Variants in IREB2 observed in about 807,000 individuals in gnomAD.
IREB2 encodes iron responsive element binding protein 2, also known as iron-responsive element-binding protein 2.
In IREB2, 39 loss-of-function variants were observed where a neutral mutation model predicts 118.8. That is an observed-to-expected ratio of 0.33 (90% CI 0.25 to 0.43). IREB2 has a LOEUF of 0.43. Among genes scored for constraint, IREB2 ranks in the 20% least tolerant of loss-of-function variants. The probability of loss-of-function intolerance (pLI) is 1.00; values close to 1 mark genes in which losing one functional copy is unlikely to be tolerated. For synonymous variants in IREB2, 372 were observed against 392.2 expected (o/e 0.95, Z 0.61); for missense variants, 900 against 1,147.3 (o/e 0.78, Z 3.11).
chr15:78,455,081 A>G (rs2051085075), intron 2 of IREB2, among the ~76,000 whole-genome samples: 2 of 152,176 alleles, frequency 1.3e-5, no homozygotes, highest in Admixed American at 1.3e-4. Context: ...AAAAAAGAAC[A>G]GGATTGGTGT....
At position 78,490,243 on chromosome 15, in the gene IREB2, A is replaced by T. The variant is rs28732369; in HGVS notation, c.2077-179A>T. Among the ~76,000 whole-genome samples, 693 of 152,270 alleles carry T rather than the reference A, an allele frequency of 4.6e-3. 5 individuals are homozygous for T. Among genetic ancestry groups the T allele is most frequent in the East Asian group, 0.02 (103 of 5,176 alleles). ...GCCTGGGCAAAAATAAAAATTTAAA[A>T]TTTTTTAAAAAAAAGAAAAGAATAC... On this transcript the variant is annotated intron_variant, in intron 16 of 21. Coordinates refer to ENST00000258886, the MANE Select transcript of IREB2 (RefSeq NM_004136.4).
intron 2 of IREB2, among the ~76,000 whole-genome samples, chr15:78,447,104 A>G (rs894669716): frequency 2.0e-5 from 3 of 151,994 alleles, no homozygotes; most frequent in African/African-American, 7.2e-5. Context: ...TTCAGTAGGC[A>G]TGCATAGAAC....
chr15:78,483,197 A>G (rs975517565), intron 10 of IREB2, 121 bp from the exon 11 acceptor site: 1 of 556,810 alleles, frequency 1.8e-6, no homozygotes, highest in African/African-American at 1.9e-5. Flanking sequence ...TACTATTAAA[A>G]TAAATTGCAT....
intron 18 of IREB2, among the ~76,000 whole-genome samples, chr15:78,492,018 T>G (rs920854267): frequency 6.6e-6 from 1 of 152,216 alleles, no homozygotes; most frequent in African/African-American, 2.4e-5. Flanking sequence ...CTTAGCACAT[T>G]TAATCCAGTA....
At chr15:78,450,824 TTGTGTGTGTGTGTGTGTGTGTGTGTG>T (rs35092289) in intron 2 of IREB2, among the ~76,000 whole-genome samples, 12 of 134,020 alleles carry the variant, frequency 9.0e-5, no homozygotes, top group African/African-American at 2.0e-4. Flanking sequence ...ATTAACAAAT[TTGTGTGTGTGTGTGTGTGTGTGTGTG>T]TGTGTGTGTG....
At chr15:78,460,547 C>G (rs975987034) in intron 2 of IREB2, among the ~76,000 whole-genome samples, 1 of 152,134 alleles carries the variant, frequency 6.6e-6, no homozygotes, top group Admixed American at 6.5e-5. Flanking sequence ...TCTTTGGTTT[C>G]GGACACAAGA....
intron 2 of IREB2, among the ~76,000 whole-genome samples, chr15:78,446,716 C>A (rs564345485): frequency 6.6e-6 from 1 of 152,146 alleles, no homozygotes; most frequent in African/African-American, 2.4e-5. Context: ...CTAATTGCCC[C>A]AGTGTCTCCT....
intron 11 of IREB2, among the ~76,000 whole-genome samples, chr15:78,484,432 A>G (rs531917660): frequency 6.6e-6 from 1 of 152,266 alleles, no homozygotes; most frequent in South Asian, 2.1e-4. Context: ...AACAGAAAAA[A>G]ATTTCTGCCA....
At chr15:78,463,264 C>T (rs1045883936) in intron 3 of IREB2, among the ~76,000 whole-genome samples, 177 bp downstream of exon 3, 2 of 152,140 alleles carry the variant, frequency 1.3e-5, no homozygotes, top group South Asian at 2.1e-4. Flanking sequence ...CATAGTGAGA[C>T]GCTGTCTGTA....
chr15:78,459,263 T>C (rs780083773), intron 2 of IREB2, among the ~76,000 whole-genome samples: 1 of 152,236 alleles, frequency 6.6e-6, no homozygotes, highest in Non-Finnish European at 1.5e-5. Context: ...AAAAGGACTT[T>C]TAAAAAATCA....
intron 1 of IREB2, 78 bp from the exon 2 acceptor site, chr15:78,439,717 A>G: frequency 2.5e-6 from 2 of 792,282 alleles, no homozygotes; most frequent in South Asian, 1.7e-5. Context: ...TCTATTGGAT[A>G]AAGCTAGTTT....
chr15:78,437,966 C>G (rs1433209467), upstream of IREB2, among the ~76,000 whole-genome samples: 5 of 152,250 alleles, frequency 3.3e-5, no homozygotes, highest in African/African-American at 9.6e-5. Flanking sequence ...CAATAGAAAA[C>G]TTAAGGCCGC....
chr15:78,465,513 G>C lies in IREB2; in HGVS notation c.410+125G>C, dbSNP rs899675910. 3.5e-6 allele frequency: 3 copies of C among 854,232 alleles called. No homozygotes were observed. In the East Asian group the frequency reaches 8.2e-5, roughly 23 times the overall value. 52.9% of individuals were successfully genotyped at this position (854,232 alleles called of 1,614,324 possible). On this transcript the variant is annotated intron_variant, in intron 4 of 21. Coordinates refer to ENST00000258886, the MANE Select transcript of IREB2 (RefSeq NM_004136.4). ...AGTATGCTAAATTTAGTATTGGCTA[G>C]TATATAAAAGCTAAAACTGGTGAAA...
intron 11 of IREB2, among the ~76,000 whole-genome samples, chr15:78,484,231 CCTTT>C (rs1458985319): frequency 6.6e-6 from 1 of 152,022 alleles, no homozygotes; most frequent in Admixed American, 6.6e-5. Flanking sequence ...CCTTTCAGAG[CCTTT>C]CTTTTTATGA....
At chr15:78,448,519 T>C (rs1325500019) in intron 2 of IREB2, among the ~76,000 whole-genome samples, 3 of 152,224 alleles carry the variant, frequency 2.0e-5, no homozygotes, top group African/African-American at 4.8e-5. Context: ...TAAGGTCTTG[T>C]TCTGTGGAGG....
rs1436451622 is a variant in IREB2, at chr15:78,466,991, T to A, written c.629+502T>A. Among the ~76,000 whole-genome samples, 3 of 109,566 alleles carry A rather than the reference T, an allele frequency of 2.7e-5. No homozygotes were observed. In the East Asian group the frequency reaches 8.1e-4, roughly 30 times the overall value. The allele number at this position is 109,566 out of a possible 152,430, so 71.9% of individuals were successfully genotyped here. Reference sequence around the variant, plus strand: ...TAGCACTTTGGGAGGCCAGAGCAGGTGGATCACTTGAGCTCAGGAGTTTGA... The same window carrying A: ...TAGCACTTTGGGAGGCCAGAGCAGGAGGATCACTTGAGCTCAGGAGTTTGA... On this transcript the variant is annotated intron_variant, in intron 5 of 21. Transcript: ENST00000258886.
intron 2 of IREB2, among the ~76,000 whole-genome samples, chr15:78,446,469 C>G (rs2050930848): frequency 6.6e-6 from 1 of 152,142 alleles, no homozygotes; most frequent in East Asian, 1.9e-4. Flanking sequence ...GTGGCTGTCT[C>G]TCAAGAAAAT....
intron 2 of IREB2, among the ~76,000 whole-genome samples, chr15:78,445,932 A>T (rs530911480): frequency 1.3e-3 from 202 of 152,222 alleles, no homozygotes; most frequent in African/African-American, 4.8e-3. Context: ...CTACAAGCAC[A>T]TGCCATCATG....
chr15:78,452,623 G>A lies in IREB2; in HGVS notation c.107-10299G>A, dbSNP rs74248578. Among the ~76,000 whole-genome samples the A allele has an allele frequency of 6.5e-3, 984 of 152,192 alleles. 70 individuals carry two copies. In the East Asian group the frequency reaches 0.17, roughly 27 times the overall value. On this transcript the variant is annotated intron_variant, in intron 2 of 21. Transcript: ENST00000258886. ...CCTAGAAGTGTTAAGAACTATAAAG[G>A]AGGCTTGGCATGGTGACCCACACCT...
Sources: gnomAD v4.1 joint callset for allele counts (sites outside exome capture counted in the v4.1 genomes callset) on GRCh38, gnomAD v4.1.1 for gene constraint, MANE v1.5 for transcripts, NCBI Gene and HGNC (gene_info 2026-07-23, HGNC 2026-07-21) for gene names.